Variants in SOCS2 observed in about 807,000 individuals in gnomAD.
The protein encoded by SOCS2 is CIS-2.
In SOCS2, 10 loss-of-function variants were observed where a neutral mutation model predicts 18.6. The observed-to-expected ratio is 0.54, with a 90% confidence interval of 0.33 to 0.91. SOCS2 has a LOEUF of 0.91. SOCS2 is among the 40% of genes least tolerant of loss of function. The pLI, the probability that SOCS2 is intolerant of heterozygous loss-of-function variation, is 0.02. For missense variants in SOCS2, 231 were observed against 247.2 expected, an observed-to-expected ratio of 0.93 and a Z score of 0.44; for synonymous variants, 104 against 104.0, an observed-to-expected ratio of 1.00 and a Z score of 0.00.
At chr12:93,593,403 G>T in the SOCS2 span, among the ~76,000 whole-genome samples, 1 of 152,144 alleles carries the variant, frequency 6.6e-6, no homozygotes, top group Non-Finnish European at 1.5e-5. Flanking sequence ...CTCAGCCTGA[G>T]ATACTGGAAG....
the SOCS2 span, among the ~76,000 whole-genome samples, chr12:93,614,420 C>T: frequency 0.065 from 1,803 of 27,820 alleles, 15 homozygotes; most frequent in Middle Eastern, 0.19. Context: ...TTTCTTTCTT[C>T]CTTTCTTTCC....
chr12:93,580,978 C>A (rs912234546), downstream of SOCS2, among the ~76,000 whole-genome samples: 12 of 152,198 alleles, frequency 7.9e-5, no homozygotes, highest in Admixed American at 2.0e-4. Flanking sequence ...GAACCACTGA[C>A]AGAAAAATCA....
At chr12:93,591,529 A>G in the SOCS2 span, among the ~76,000 whole-genome samples, 2 of 152,216 alleles carry the variant, frequency 1.3e-5, no homozygotes, top group Non-Finnish European at 2.9e-5. Flanking sequence ...GGCTGGCTCT[A>G]GCGTCTACGA....
At chr12:93,607,042 C>G in the SOCS2 span, among the ~76,000 whole-genome samples, 3 of 152,152 alleles carry the variant, frequency 2.0e-5, no homozygotes, top group Non-Finnish European at 2.9e-5. Flanking sequence ...GGGACCTAGA[C>G]CAGGGAAATA....
the SOCS2 span, among the ~76,000 whole-genome samples, chr12:93,592,599 C>A: frequency 6.6e-6 from 1 of 152,178 alleles, no homozygotes; most frequent in Non-Finnish European, 1.5e-5. Context: ...TGTTCCCATG[C>A]ATATTTCAGA....
At chr12:93,607,237 T>C in the SOCS2 span, among the ~76,000 whole-genome samples, 1 of 152,246 alleles carries the variant, frequency 6.6e-6, no homozygotes, top group African/African-American at 2.4e-5. Flanking sequence ...TGGCAGATTT[T>C]CTAGGAATGG....
At chr12:93,589,361 A>T in the SOCS2 span, among the ~76,000 whole-genome samples, 4,325 of 152,092 alleles carry the variant, frequency 0.028, 158 homozygotes, top group African/African-American at 0.085. Flanking sequence ...TTTTTTTTTT[A>T]AATTCCCATG....
chr12:93,614,357 TTTTCCTTCTTTCTTTCTTTCTTTCTTTC>T, the SOCS2 span, among the ~76,000 whole-genome samples: 14 of 121,654 alleles, frequency 1.2e-4, 2 homozygotes, highest in African/African-American at 5.1e-4. Context: ...TATATAGCAA[TTTTCCTTCTTTCTTTCTTTCTTTCTTTC>T]TTTCTTTCTT....
downstream of SOCS2, among the ~76,000 whole-genome samples, chr12:93,577,876 A>T (rs1954489081): frequency 6.6e-6 from 1 of 152,200 alleles, no homozygotes; most frequent in African/African-American, 2.4e-5. Context: ...AAAAAAGTAC[A>T]CTTGTCTAAA....
At chr12:93,614,367 T>TTCTTTC in the SOCS2 span, among the ~76,000 whole-genome samples, 1 of 33,774 alleles carries the variant, frequency 3.0e-5, no homozygotes, top group Admixed American at 3.5e-4. Context: ...TTTTCCTTCT[T>TTCTTTC]TCTTTCTTTC....
downstream of SOCS2, among the ~76,000 whole-genome samples, chr12:93,579,193 C>A (rs1954505298): frequency 6.6e-6 from 1 of 152,198 alleles, no homozygotes; most frequent in South Asian, 2.1e-4. Flanking sequence ...TGCTTTTGCC[C>A]ATTCATGGGC....
upstream of SOCS2, chr12:93,571,848 C>G (rs757080260): frequency 2.3e-6 from 1 of 427,884 alleles, no homozygotes; most frequent in South Asian, 1.6e-5. Flanking sequence ...CCCACCCCCC[C>G]GCCCCATGTC....
chr12:93,572,907 C>T lies in SOCS2; in HGVS notation c.10C>T (p.Arg4Trp). 2 of 1,578,072 alleles carry T rather than the reference C, an allele frequency of 1.3e-6. No homozygotes were observed. Among genetic ancestry groups the T allele is most frequent in the Non-Finnish European group, 1.7e-6 (2 of 1,161,444 alleles). The change falls in exon 1 of 2, where the codon CGG (arginine) becomes TGG (tryptophan). Residue 4 changes from arginine to tryptophan, a missense_variant. Physicochemically the swap from Arg to Trp is moderately radical, Grantham distance 101. This residue lies in a region of SOCS2 where 106 missense variants were observed against 103.8 expected (regional missense o/e 1.02). Coordinates refer to ENST00000551556, the MANE Select transcript of SOCS2 (RefSeq NM_001270471.2). This position sits in a 1 kb window ranked among gnomAD's most constrained non-coding sequence, Gnocchi z 5.0. MTLRCLEPSGNGGE... is the reference protein window; with the variant it reads MTLWCLEPSGNGGE... ...CGGTGACCCTTCTCTCATGACCCTG[C>T]GGTGCCTTGAGCCCTCCGGGAATGG...
chr12:93,600,304 G>T, the SOCS2 span, among the ~76,000 whole-genome samples: 710 of 151,974 alleles, frequency 4.7e-3, 6 homozygotes, highest in African/African-American at 0.016. Context: ...ATAAGCATGG[G>T]TCTGTTTATG....
At chr12:93,598,277 G>C in the SOCS2 span, among the ~76,000 whole-genome samples, 2 of 152,176 alleles carry the variant, frequency 1.3e-5, no homozygotes, top group Admixed American at 6.5e-5. Flanking sequence ...GCACAATGTG[G>C]CTGGAACAGT....
chr12:93,614,482 T>C, the SOCS2 span, among the ~76,000 whole-genome samples: 933 of 20,074 alleles, frequency 0.046, 40 homozygotes, highest in South Asian at 0.057. Context: ...TTCCTTCCTT[T>C]CCTTCCTTCC....
chr12:93,623,525 C>T, the SOCS2 span, among the ~76,000 whole-genome samples: 686 of 151,976 alleles, frequency 4.5e-3, 5 homozygotes, highest in African/African-American at 0.015. Context: ...TGTGCTGCAC[C>T]GGGAAGTTCT....
At chr12:93,585,763 A>G (rs1353974357), downstream of SOCS2, among the ~76,000 whole-genome samples, 1 of 152,164 alleles carries the variant, frequency 6.6e-6, no homozygotes, top group African/African-American at 2.4e-5. Flanking sequence ...GAAGTGAAAT[A>G]TACATAATTC....
downstream of SOCS2, among the ~76,000 whole-genome samples, chr12:93,581,256 C>T (rs772297555): frequency 2.0e-5 from 3 of 152,268 alleles, no homozygotes; most frequent in Middle Eastern, 3.4e-3. Flanking sequence ...TAAGACTCTC[C>T]GCCACCAGAT....
Sources: gnomAD v4.1 joint callset for allele counts (sites outside exome capture counted in the v4.1 genomes callset) on GRCh38, gnomAD v4.1.1 for gene constraint, gnomAD v4.1.1 regional missense constraint, Gnocchi (gnomAD v3.1) non-coding constraint, MANE v1.5 for transcripts, NCBI Gene and HGNC (gene_info 2026-07-23, HGNC 2026-07-21) for gene names.